Variants in SENP6 observed in about 807,000 individuals in gnomAD.
The protein encoded by SENP6 is sentrin-specific protease 6.
SENP6 carries 41 observed loss-of-function variants against 134.5 expected under a neutral mutation model. That is an observed-to-expected ratio of 0.30 (90% CI 0.24 to 0.40). The LOEUF (loss-of-function observed/expected upper bound fraction) is 0.40. Ranked by LOEUF, SENP6 falls within the 10% of genes least tolerant of loss-of-function variation. The probability of loss-of-function intolerance (pLI) is 1.00; values close to 1 mark genes in which losing one functional copy is unlikely to be tolerated. For synonymous variants in SENP6, 395 were observed against 429.8 expected, an observed-to-expected ratio of 0.92 and a Z score of 1.00; for missense variants, 1,248 against 1,312.5, an observed-to-expected ratio of 0.95 and a Z score of 0.76.
chr6:75,622,747 G>T, intron 2 of SENP6: 1 of 1,271,292 alleles, frequency 7.9e-7, no homozygotes, highest in Non-Finnish European at 1.0e-6. Context: ...GCTAAATATT[G>T]TAGGTGCTTC....
chr6:75,619,078 A>C (rs905484078), intron 1 of SENP6, among the ~76,000 whole-genome samples: 2 of 151,856 alleles, frequency 1.3e-5, no homozygotes, highest in Admixed American at 1.3e-4. Context: ...ATAACATATA[A>C]GTTACTGTTT....
intron 3 of SENP6, among the ~76,000 whole-genome samples, chr6:75,625,661 T>C (rs1454634931): frequency 6.6e-6 from 1 of 152,046 alleles, no homozygotes; most frequent in Non-Finnish European, 1.5e-5. Flanking sequence ...TTGAGGTCAG[T>C]AGTTCGAGAC....
intron 16 of SENP6, among the ~76,000 whole-genome samples, chr6:75,694,204 C>T (rs754767639): frequency 1.3e-5 from 2 of 152,126 alleles, no homozygotes; most frequent in Non-Finnish European, 2.9e-5. Context: ...TGTGGTGAGC[C>T]GAGATCATGC....
At chr6:75,705,395 A>G (rs1194924679) in intron 19 of SENP6, among the ~76,000 whole-genome samples, 1 of 151,922 alleles carries the variant, frequency 6.6e-6, no homozygotes, top group African/African-American at 2.4e-5. Context: ...AAATACAAAA[A>G]TTAGCTGGGT....
At chr6:75,671,915 T>G (rs1277219163) in intron 11 of SENP6, among the ~76,000 whole-genome samples, 3 of 152,162 alleles carry the variant, frequency 2.0e-5, no homozygotes, top group African/African-American at 4.8e-5. Context: ...AGAGCACAGC[T>G]CTATGAGAAT....
chr6:75,673,722 A>T (rs947888647), intron 11 of SENP6, among the ~76,000 whole-genome samples: 1 of 152,022 alleles, frequency 6.6e-6, no homozygotes, highest in Admixed American at 6.6e-5. Context: ...CTTATGCAAC[A>T]ATTTTATTTA....
intron 1 of SENP6, among the ~76,000 whole-genome samples, chr6:75,615,074 A>G (rs1225314290): frequency 6.6e-6 from 1 of 152,116 alleles, no homozygotes; most frequent in Admixed American, 6.6e-5. Flanking sequence ...TATTTTTAGT[A>G]GAAACAGGGT....
intron 5 of SENP6, among the ~76,000 whole-genome samples, chr6:75,638,246 T>TG (rs1177121186): frequency 8.1e-6 from 1 of 122,872 alleles, no homozygotes; most frequent in East Asian, 2.1e-4. Flanking sequence ...TCTTTTGTTT[T>TG]TTTTTTTTTT....
chr6:75,635,151 A>G (rs1769415848), intron 5 of SENP6: 3 of 345,308 alleles, frequency 8.7e-6, no homozygotes, highest in South Asian at 7.6e-5. Context: ...GTAAAATTAC[A>G]GTTAATACCG....
chr6:75,691,361 T>G (rs1774237292), intron 16 of SENP6, among the ~76,000 whole-genome samples: 1 of 152,000 alleles, frequency 6.6e-6, no homozygotes, highest in Non-Finnish European at 1.5e-5. Context: ...CCCAGGCTAT[T>G]CTCAAGGGAT....
chr6:75,687,806 C>G (rs570476700), intron 16 of SENP6, among the ~76,000 whole-genome samples: 2 of 152,338 alleles, frequency 1.3e-5, no homozygotes, highest in South Asian at 4.1e-4. Context: ...TGTGAGGTGT[C>G]TGTCGGCCCC....
At chr6:75,693,811 T>A (rs777263494) in intron 16 of SENP6, among the ~76,000 whole-genome samples, 2 of 152,224 alleles carry the variant, frequency 1.3e-5, no homozygotes, top group Non-Finnish European at 2.9e-5. Flanking sequence ...TTTGATAATA[T>A]TAATATGGCC....
chr6:75,689,353 T>C (rs1397562468), intron 16 of SENP6, among the ~76,000 whole-genome samples: 5 of 152,116 alleles, frequency 3.3e-5, no homozygotes, highest in Non-Finnish European at 7.4e-5. Context: ...ATTAGAGAAA[T>C]GCAGCATCAA....
chr6:75,652,973 T>A (rs1193392197), intron 7 of SENP6, among the ~76,000 whole-genome samples: 2 of 152,190 alleles, frequency 1.3e-5, no homozygotes, highest in African/African-American at 4.8e-5. Flanking sequence ...TTAGCAACTC[T>A]TTGTTATCTT....
chr6:75,625,680 C>T (rs530132105), intron 3 of SENP6, among the ~76,000 whole-genome samples: 98 of 152,260 alleles, frequency 6.4e-4, no homozygotes, highest in African/African-American at 2.4e-3. Flanking sequence ...ACCAGCCTGG[C>T]CAACATGTTG....
chr6:75,682,376 C>A (rs1773523839), intron 16 of SENP6, among the ~76,000 whole-genome samples: 1 of 151,550 alleles, frequency 6.6e-6, no homozygotes, highest in Non-Finnish European at 1.5e-5. Flanking sequence ...CATCAACCAG[C>A]AGGATCTACT....
intron 18 of SENP6, 38 bp downstream of exon 18, chr6:75,697,555 CATGTAA>C (rs2149895996): frequency 1.4e-6 from 2 of 1,417,492 alleles, no homozygotes; most frequent in East Asian, 4.6e-5. Flanking sequence ...ATCTTTAAAT[CATGTAA>C]ATGATGGCAA....
chr6:75,621,501 G>T, intron 1 of SENP6, 31 bp from the exon 2 acceptor site: 1 of 1,258,300 alleles, frequency 7.9e-7, no homozygotes, highest in South Asian at 1.2e-5. Flanking sequence ...CTCTATTAAT[G>T]AATACTTACT....
chr6:75,701,895 C>T (rs1775059753), intron 18 of SENP6, among the ~76,000 whole-genome samples: 1 of 152,040 alleles, frequency 6.6e-6, no homozygotes, highest in African/African-American at 2.4e-5. Context: ...CCGCCTCGGC[C>T]TCCCAAAGTG....
Sources: gnomAD v4.1 joint callset for allele counts (sites outside exome capture counted in the v4.1 genomes callset) on GRCh38, gnomAD v4.1.1 for gene constraint, MANE v1.5 for transcripts, NCBI Gene and HGNC (gene_info 2026-07-23, HGNC 2026-07-21) for gene names.